ROCK2: variants seen among roughly 807,000 people sequenced by gnomAD.
ROCK2 encodes rho-associated protein kinase 2.
ROCK2 carries 61 observed loss-of-function variants against 195.1 expected under a neutral mutation model. The observed-to-expected ratio is 0.31, with a 90% CI of 0.25 to 0.39. The LOEUF (loss-of-function observed/expected upper bound fraction) is 0.39. Among genes scored for constraint, ROCK2 ranks in the 10% least tolerant of loss-of-function variants. The pLI, the probability that ROCK2 is intolerant of heterozygous loss-of-function variation, is 1.00. For missense variants in ROCK2, 1,109 were observed against 1,637.4 expected (o/e 0.68, Z 5.57); for synonymous variants, 504 against 545.5 (o/e 0.92, Z 1.06).
intron 12 of ROCK2, 78 bp downstream of exon 12, chr2:11,217,012 A>T: frequency 1.3e-6 from 1 of 742,726 alleles, no homozygotes; most frequent in East Asian, 2.9e-5. Context: ...GTGAGCCACC[A>T]CACCTGGCCG....
In ROCK2 at chr2:11,321,249, C is replaced by T. The variant is rs192525460; in HGVS notation, c.141+22747G>A. Among the ~76,000 whole-genome samples, 69 of 152,238 alleles carry T rather than the reference C, an allele frequency of 4.5e-4. 1 individual carries two copies. Among genetic ancestry groups the T allele is most frequent in the African/African-American group, 1.0e-3 (43 of 41,574 alleles). On this transcript the variant is annotated intron_variant, in intron 1 of 32. Coordinates refer to ENST00000315872, the MANE Select transcript of ROCK2 (RefSeq NM_004850.5). ...GAAGTGCAGTGGCACGATCTCAGCT[C>T]GCTGCAACCTCCGCCTCCAACGTTC...
chr2:11,197,711 A>G lies in ROCK2; in HGVS notation c.3100-6T>C. On this transcript the variant is annotated splice_region_variant and splice_polypyrimidine_tract_variant and intron_variant, in intron 25 of 32. Coordinates refer to ENST00000315872, the MANE Select transcript of ROCK2 (RefSeq NM_004850.5). This position sits in a 1 kb window ranked among gnomAD's most constrained non-coding sequence, Gnocchi z 4.9. The stretch of plus-strand genomic sequence containing the variant: ...TCAGCCAACTTATTCACAGCCTTAA[A>G]AAATGTAAAAATAAATATAATACAT... 2 of 1,525,594 alleles carry G rather than the reference A, an allele frequency of 1.3e-6. No individual in the cohort carries two copies. Among genetic ancestry groups the G allele is most frequent in the Non-Finnish European group, 1.8e-6 (2 of 1,140,668 alleles). The allele number at this position is 1,525,594 out of a possible 1,614,324, so 94.5% of individuals were successfully genotyped here.
chr2:11,322,594 A>C (rs1323266863), intron 1 of ROCK2, among the ~76,000 whole-genome samples: 1 of 152,130 alleles, frequency 6.6e-6, no homozygotes, highest in Non-Finnish European at 1.5e-5. Context: ...ATAGCAAGTA[A>C]GGTATCATTT....
At position 11,181,960 on chromosome 2, in the gene ROCK2, ACT is replaced by A. The variant is rs1257025201; in HGVS notation, c.*1475_*1476del. ...ATGATGTATTTAAATATCATACCAA[ACT>A]CTGTGTATTTATATAAAGAGAGACT... On this transcript the variant is annotated 3_prime_UTR_variant, in exon 33 of 33. Coordinates refer to ENST00000315872, the MANE Select transcript of ROCK2 (RefSeq NM_004850.5). 6.6e-6 allele frequency: 1 copy of A among 151,744 alleles called. No homozygotes were observed. The highest frequency in any genetic ancestry group is 1.5e-5 in the Non-Finnish European group (1 of 67,960). 9.4% of individuals were successfully genotyped at this position (151,744 alleles called of 1,614,324 possible).
rs1663054413 is a variant in ROCK2 at position 11,182,783 on chromosome 2, A to G, written c.*654T>C. 1 of 152,634 alleles carries G rather than the reference A, an allele frequency of 6.6e-6. No individual in the cohort carries two copies. Among genetic ancestry groups the G allele is most frequent in the South Asian group, 2.1e-4 (1 of 4,826 alleles). The allele number at this position is 152,634 out of a possible 1,614,324, so 9.5% of individuals were successfully genotyped here. ...AACTTCTTGTTACAGTAACTGCTTAAACATGAACATGCAACTTCCATCAGG... is the reference window on the plus strand; with the variant it reads ...AACTTCTTGTTACAGTAACTGCTTAGACATGAACATGCAACTTCCATCAGG... On this transcript the variant is annotated 3_prime_UTR_variant, in exon 33 of 33. Transcript: ENST00000315872.
At chr2:11,274,695 A>T (rs985583918) in intron 3 of ROCK2, among the ~76,000 whole-genome samples, 3 of 152,162 alleles carry the variant, frequency 2.0e-5, no homozygotes, top group Non-Finnish European at 4.4e-5. Flanking sequence ...TTTCAATAAC[A>T]TCAATCATTC....
At chr2:11,213,999 T>G (rs1372854363) in intron 17 of ROCK2, among the ~76,000 whole-genome samples, 2 of 152,154 alleles carry the variant, frequency 1.3e-5, no homozygotes, top group African/African-American at 4.8e-5. Context: ...TTTCTTAGAG[T>G]ATTTTAAAAG....
At chr2:11,331,653 G>A (rs186976219) in intron 1 of ROCK2, among the ~76,000 whole-genome samples, 300 of 152,094 alleles carry the variant, frequency 2.0e-3, no homozygotes, top group Admixed American at 3.2e-3. Flanking sequence ...TTAGCCAGGC[G>A]CGGTGGCTCA....
Position 11,214,443 on chromosome 2 carries a change from C to T in ROCK2, c.1957G>A (p.Glu653Lys), listed in dbSNP as rs746661835. 2 of 1,606,638 alleles carry T rather than the reference C, an allele frequency of 1.2e-6. No homozygotes were observed. Among genetic ancestry groups the T allele is most frequent in the Non-Finnish European group, 1.7e-6 (2 of 1,174,120 alleles). ...DLQGRICGLE[E>K]DLKNGKILLA... ...AAGATTTTGCCGTTCTTTAAATCTTCTTCTAGGCCACATATTCTACCTAAA... is the reference window on the plus strand; with the variant it reads ...AAGATTTTGCCGTTCTTTAAATCTTTTTCTAGGCCACATATTCTACCTAAA... The change falls in exon 17 of 33, where the codon GAA (glutamate) becomes AAA (lysine). Residue 653 changes from glutamate (E) to lysine (K), a missense_variant. Glu to Lys is a moderately conservative substitution (Grantham distance 56, BLOSUM62 1). This residue lies in a region of ROCK2 where 542 missense variants were observed against 672.0 expected (regional missense o/e 0.81). Coordinates refer to ENST00000315872, the MANE Select transcript of ROCK2 (RefSeq NM_004850.5).
rs1663694978 is a variant in ROCK2 at position 11,197,785 on chromosome 2, A to G, written c.3100-80T>C. On this transcript the variant is annotated intron_variant, in intron 25 of 32. Coordinates refer to ENST00000315872, the MANE Select transcript of ROCK2 (RefSeq NM_004850.5). This position sits in a 1 kb window ranked among gnomAD's most constrained non-coding sequence, Gnocchi z 4.9. ...GTTTCTCAGTATCTCATCAAGAGCA[A>G]CAAGTTATACAATCACAAATACTCT... 1.1e-6 allele frequency: 1 copy of G among 903,384 alleles called. No individual in the cohort carries two copies. The highest frequency in any genetic ancestry group is 1.5e-6 in the Non-Finnish European group (1 of 655,944). 56.0% of individuals were successfully genotyped at this position (903,384 alleles called of 1,614,324 possible). A position where few individuals can be genotyped will look rare whatever the true frequency, so the allele number is the denominator to read the frequency against.
At chr2:11,334,977 T>C (rs1026536648) in intron 1 of ROCK2, among the ~76,000 whole-genome samples, 1 of 139,744 alleles carries the variant, frequency 7.2e-6, no homozygotes, top group Admixed American at 6.9e-5. Flanking sequence ...ACTTTAGATA[T>C]CTGAACAAAC....
At chr2:11,238,417 C>T (rs1340132572) in intron 4 of ROCK2, among the ~76,000 whole-genome samples, 1 of 152,008 alleles carries the variant, frequency 6.6e-6, no homozygotes, top group Non-Finnish European at 1.5e-5. Flanking sequence ...TGGGTCTTTT[C>T]CAAAAACCAA....
chr2:11,323,632 G>GT (rs762186481), intron 1 of ROCK2, among the ~76,000 whole-genome samples: 1 of 152,042 alleles, frequency 6.6e-6, no homozygotes, highest in Non-Finnish European at 1.5e-5. Context: ...ATTTGAATTC[G>GT]TAAGTATTCC....
At chr2:11,229,408 A>G (rs961178780) in intron 5 of ROCK2, among the ~76,000 whole-genome samples, 2 of 152,076 alleles carry the variant, frequency 1.3e-5, no homozygotes, top group African/African-American at 4.8e-5. Context: ...GTAAAAAACT[A>G]AAGAGATTGG....
intron 1 of ROCK2, among the ~76,000 whole-genome samples, chr2:11,301,772 C>T (rs1289646249): frequency 2.4e-5 from 2 of 81,656 alleles, no homozygotes; most frequent in African/African-American, 6.7e-5. Context: ...GAGTGAAACG[C>T]CGCCTCAAAA....
chr2:11,215,205 T>C (rs1211028178), intron 15 of ROCK2, 116 bp downstream of exon 15: 35 of 1,462,752 alleles, frequency 2.4e-5, no homozygotes, highest in Non-Finnish European at 3.1e-5. Flanking sequence ...AAAAATATTT[T>C]CCAAATGATT....
At chr2:11,334,912 T>C (rs1362217258) in intron 1 of ROCK2, among the ~76,000 whole-genome samples, 1 of 140,020 alleles carries the variant, frequency 7.1e-6, no homozygotes, top group African/African-American at 2.4e-5. Context: ...AATAAAGGAA[T>C]TCAGACATTG....
intron 6 of ROCK2, among the ~76,000 whole-genome samples, chr2:11,224,713 T>TA (rs1173737329): frequency 6.6e-6 from 1 of 151,750 alleles, no homozygotes; most frequent in African/African-American, 2.4e-5. Flanking sequence ...ACTCCCGAAT[T>TA]TGTTGAGTTT....
At chr2:11,314,144 AAATG>A (rs1668120367) in intron 1 of ROCK2, among the ~76,000 whole-genome samples, 1 of 151,988 alleles carries the variant, frequency 6.6e-6, no homozygotes, top group African/African-American at 2.4e-5. Flanking sequence ...GAACTATGAT[AAATG>A]AATAAAGCAT....
Sources: gnomAD v4.1 joint callset for allele counts (sites outside exome capture counted in the v4.1 genomes callset) on GRCh38, gnomAD v4.1.1 for gene constraint, gnomAD v4.1.1 regional missense constraint, Gnocchi (gnomAD v3.1) non-coding constraint, MANE v1.5 for transcripts, NCBI Gene and HGNC (gene_info 2026-07-23, HGNC 2026-07-21) for gene names.